The following FGB variants were observed in gnomAD, a reference collection of about 807,000 sequenced individuals.
The protein encoded by FGB is fibrinogen beta chain.
FGB carries 25 observed loss-of-function variants against 57.9 expected under a neutral mutation model. The observed-to-expected ratio is 0.43, with a 90% CI of 0.31 to 0.60. The LOEUF (loss-of-function observed/expected upper bound fraction) is 0.60. FGB is among the 20% of genes least tolerant of loss of function. The probability of loss-of-function intolerance (pLI) is 0.08; values close to 1 mark genes in which losing one functional copy is unlikely to be tolerated. For missense variants in FGB, 536 were observed against 598.4 expected, an observed-to-expected ratio of 0.90 and a Z score of 1.09; for synonymous variants, 203 against 199.2, an observed-to-expected ratio of 1.02 and a Z score of -0.16.
intron 1 of FGB, 41 bp downstream of exon 1, chr4:154,563,173 T>A: frequency 6.2e-6 from 5 of 811,792 alleles, no homozygotes; most frequent in Non-Finnish European, 1.0e-5. Context: ...AGTAGTATTA[T>A]TAATATAAGA....
rs1432298861 is a variant in FGB at position 154,570,442 on chromosome 4, A to G, written c.1268A>G (p.Gln423Arg). ...DGWLTSDPRK[Q>R]CSKEDGGGWW... The stretch of plus-strand genomic sequence containing the variant: ...AGGTTAACATCAGATCCCAGAAAAC[A>G]GTGTTCTAAAGAAGACGGTGGTGGA... Residue 423 changes from glutamine (Q) to arginine (R), a missense_variant, in exon 8 of 8, where the codon CAG becomes CGG. Gln to Arg is a conservative substitution (Grantham distance 43). This residue lies in a region of FGB where 177 missense variants were observed against 193.7 expected (regional missense o/e 0.91). Coordinates refer to ENST00000302068, the MANE Select transcript of FGB (RefSeq NM_005141.5). 1.2e-6 allele frequency: 2 copies of G among 1,613,982 alleles called. No individual in the cohort carries two copies. The highest frequency in any genetic ancestry group is 8.5e-7 in the Non-Finnish European group (1 of 1,179,832).
intron 7 of FGB, among the ~76,000 whole-genome samples, 198 bp from the exon 8 acceptor site, chr4:154,570,221 G>T (rs1276279481): frequency 6.6e-6 from 1 of 152,122 alleles, no homozygotes; most frequent in Non-Finnish European, 1.5e-5. Flanking sequence ...AGATGGATTG[G>T]CCACAAAGGC....
intron 1 of FGB, among the ~76,000 whole-genome samples, chr4:154,564,395 A>G (rs1730069447): frequency 6.6e-6 from 1 of 152,134 alleles, no homozygotes; most frequent in African/African-American, 2.4e-5. Context: ...TGTATTTGTA[A>G]TAAGCAGATG....
rs182769058 is a variant in FGB at position 154,565,398 on chromosome 4, A to G, written c.115-410A>G. On this transcript the variant is annotated intron_variant, in intron 1 of 7. Coordinates refer to ENST00000302068, the MANE Select transcript of FGB (RefSeq NM_005141.5). ...TATATAGGAGTCTAATCACCAATTC[A>G]CAAAAATGAAAGTAGGGAAATGATT... The G allele has an allele frequency of 1.4e-3, 396 of 276,842 alleles. 2 individuals carry two copies. The highest frequency in any genetic ancestry group is 8.4e-3 in the African/African-American group (368 of 43,952). The allele number at this position is 276,842 out of a possible 1,614,324, so 17.1% of individuals were successfully genotyped here.
At position 154,569,518 on chromosome 4, in the gene FGB, A is replaced by G. The variant is rs781702393; in HGVS notation, c.963A>G (p.Glu321=). Residue 321 remains glutamate, a synonymous_variant, in exon 7 of 8, where the codon GAA becomes GAG. Transcript: ENST00000302068. ...TTTATTTTGTTTTTCTTTTAGGTGA[A>G]TATTGGCTTGGAAATGATAAAATTA... is the stretch of plus-strand genomic sequence containing the variant. The part of the protein sequence containing the change: ...DGKNYCGLPG[E]YWLGNDKISQ... 3 of 1,611,560 alleles carry G rather than the reference A, an allele frequency of 1.9e-6. No homozygotes were observed. Among genetic ancestry groups the G allele is most frequent in the South Asian group, 2.2e-5 (2 of 90,096 alleles).
Position 154,567,761 on chromosome 4 carries a change from T to C in FGB, c.659T>C (p.Met220Thr), listed in dbSNP as rs1363577874. The change falls in exon 4 of 8, where the codon ATG (methionine) becomes ACG (threonine). Residue 220 changes from methionine to threonine, a missense_variant. Met to Thr is a moderately conservative substitution (Grantham distance 81). Around this residue, in one of 3 missense-constraint regions of FGB, gnomAD observed 354 missense variants for 383.4 expected, o/e 0.92. Coordinates refer to ENST00000302068, the MANE Select transcript of FGB (RefSeq NM_005141.5). ...QKLESDVSAQ[M>T]EYCRTPCTVS... Reference sequence around the variant, plus strand: ...TTAGAATCTGATGTCTCAGCTCAAATGGAATATTGTCGCACCCCATGCACT... The same window carrying C: ...TTAGAATCTGATGTCTCAGCTCAAACGGAATATTGTCGCACCCCATGCACT... 14 of 1,614,062 alleles carry C rather than the reference T, an allele frequency of 8.7e-6. No homozygotes were observed. The highest frequency in any genetic ancestry group is 1.2e-5 in the Non-Finnish European group (14 of 1,180,044).
rs2227434 is a variant in FGB at position 154,565,991 on chromosome 4, C to T, written c.298C>T (p.Pro100Ser). The change falls in exon 2 of 8, where the codon CCA becomes TCA. Residue 100 changes from proline (P) to serine (S), a missense_variant. Physicochemically the swap from Pro to Ser is moderately conservative, Grantham distance 74 (BLOSUM62 -1). Transcript: ENST00000302068. ...TGCTGGAGGCTGTCTTCACGCTGACCCAGACCTGGTGGGTGCACTGATGTT... is the reference window on the plus strand; with the variant it reads ...TGCTGGAGGCTGTCTTCACGCTGACTCAGACCTGGTGGGTGCACTGATGTT... ...PDAGGCLHAD[P>S]DLGVLCPTGC... is the part of the protein sequence containing the mutation. 1.4e-3 allele frequency: 2,326 copies of T among 1,613,046 alleles called. 3 individuals carry two copies. The highest frequency in any genetic ancestry group is 1.7e-3 in the Non-Finnish European group (1,988 of 1,179,894).
At position 154,565,893 on chromosome 4, in the gene FGB, G is replaced by T; in HGVS notation, c.200G>T (p.Ser67Ile). 1.9e-6 allele frequency: 3 copies of T among 1,614,092 alleles called. No homozygotes were observed. Among genetic ancestry groups the T allele is most frequent in the Non-Finnish European group, 2.5e-6 (3 of 1,179,972 alleles). The change falls in exon 2 of 8, where the codon AGT becomes ATT. Residue 67 changes from serine to isoleucine, a missense_variant. Coordinates refer to ENST00000302068, the MANE Select transcript of FGB (RefSeq NM_005141.5). ...PSLRPAPPPI[S>I]GGGYRARPAK... ...CTGAGGCCTGCCCCACCGCCCATCA[G>T]TGGAGGTGGCTATCGGGCTCGTCCA...
chr4:154,571,664 A>G lies in FGB; in HGVS notation c.*1014A>G, dbSNP rs1172987895. Among the ~76,000 whole-genome samples the G allele has an allele frequency of 1.3e-5, 2 of 152,112 alleles. No individual in the cohort carries two copies. The highest frequency in any genetic ancestry group is 4.8e-5 in the African/African-American group (2 of 41,422). The stretch of plus-strand genomic sequence containing the variant: ...GAAACGAGGTCTATTCTTGTCCTCA[A>G]TTAGGCTTTTTTTTCTTCATAGTTA... On this transcript the variant is annotated 3_prime_UTR_variant, in exon 8 of 8. Transcript: ENST00000302068.
At position 154,569,620 on chromosome 4, in the gene FGB, C is replaced by T. The variant is rs1578785274; in HGVS notation, c.1065C>T (p.His355=). The part of the protein sequence containing the change: ...EDWKGDKVKA[H]YGGFTVQNEA... ...GGAAAGGAGACAAAGTAAAGGCTCA[C>T]TATGGAGGATTCACTGTACAGAATG... The change falls in exon 7 of 8, where the codon CAC becomes CAT. Residue 355 remains histidine (H), a synonymous_variant. Coordinates refer to ENST00000302068, the MANE Select transcript of FGB (RefSeq NM_005141.5). 6.2e-7 allele frequency: 1 copy of T among 1,614,076 alleles called. No individual in the cohort carries two copies.
chr4:154,569,465 T>C, intron 6 of FGB, 49 bp from the exon 7 acceptor site: 1 of 1,598,864 alleles, frequency 6.3e-7, no homozygotes, highest in Non-Finnish European at 8.5e-7. Context: ...CAGTTTTTAG[T>C]TTCCCAAAAT....
In FGB at chr4:154,570,997, C is replaced by T. The variant is rs1011434939; in HGVS notation, c.*347C>T. 4 of 345,042 alleles carry T rather than the reference C, an allele frequency of 1.2e-5. No individual in the cohort carries two copies. In the East Asian group the frequency reaches 3.0e-4, roughly 26 times the overall value. 21.4% of individuals were successfully genotyped at this position (345,042 alleles called of 1,614,324 possible). A position where few individuals can be genotyped will look rare whatever the true frequency, so the allele number is the denominator to read the frequency against. On this transcript the variant is annotated 3_prime_UTR_variant, in exon 8 of 8. Transcript: ENST00000302068. ...AAAGGAAAAACTGATGTTTAAAAGT[C>T]CACTTTTAAAACTATATTTATTTAT...
chr4:154,571,186 G>A lies in FGB; in HGVS notation c.*536G>A, dbSNP rs1050748083. ...CACAACCTCAAATAGCTAATAAACC[G>A]GTCTTGAATATTTGAAGATTTAAAA... On this transcript the variant is annotated 3_prime_UTR_variant, in exon 8 of 8. Transcript: ENST00000302068. 2.7e-5 allele frequency: 5 copies of A among 183,118 alleles called. No individual in the cohort carries two copies. Among genetic ancestry groups the A allele is most frequent in the African/African-American group, 9.6e-5 (4 of 41,500 alleles). 11.3% of individuals were successfully genotyped at this position (183,118 alleles called of 1,614,324 possible).
Position 154,569,264 on chromosome 4 carries a change from T to G in FGB, c.915T>G (p.Asn305Lys), listed in dbSNP as rs1343485034. 1 of 1,614,148 alleles carries G rather than the reference T, an allele frequency of 6.2e-7. No individual in the cohort carries two copies. The highest frequency in any genetic ancestry group is 1.7e-5 in the Admixed American group (1 of 60,018). The change falls in exon 6 of 8, where the codon AAT (asparagine) becomes AAG (lysine). Residue 305 changes from asparagine (N) to lysine (K), a missense_variant. Around this residue, in one of 3 missense-constraint regions of FGB, gnomAD observed 354 missense variants for 383.4 expected, o/e 0.92. Coordinates refer to ENST00000302068, the MANE Select transcript of FGB (RefSeq NM_005141.5). ...ATCCATATAAACAGGGATTTGGAAA[T>G]GTTGCAACCAACACAGATGGGAAGA... Reference protein sequence around the residue: ...KWDPYKQGFGNVATNTDGKNY... With the variant: ...KWDPYKQGFGKVATNTDGKNY...
intron 4 of FGB, among the ~76,000 whole-genome samples, 196 bp downstream of exon 4, chr4:154,568,016 G>T (rs1254179817): frequency 1.3e-5 from 2 of 152,212 alleles, no homozygotes; most frequent in Admixed American, 1.3e-4. Flanking sequence ...TTGATGAGCA[G>T]GATGGGGCAC....
At chr4:154,563,577 ATTACTAT>A (rs1317832561) in intron 1 of FGB, among the ~76,000 whole-genome samples, 2 of 151,920 alleles carry the variant, frequency 1.3e-5, no homozygotes, top group Non-Finnish European at 2.9e-5. Flanking sequence ...TGTTACTGAG[ATTACTAT>A]TTATAAAAAT....
rs375561591 is a variant in FGB, at chr4:154,570,665, A to C, written c.*15A>C. On this transcript the variant is annotated 3_prime_UTR_variant, in exon 8 of 8. Transcript: ENST00000302068. ...CACAGCAATAGTCCCCAATACGTAGATTTTTGCTCTTCTGTATGTGACAAC... is the reference window on the plus strand; with the variant it reads ...CACAGCAATAGTCCCCAATACGTAGCTTTTTGCTCTTCTGTATGTGACAAC... 6.3e-7 allele frequency: 1 copy of C among 1,597,582 alleles called. No homozygotes were observed. Among genetic ancestry groups the C allele is most frequent in the Non-Finnish European group, 8.6e-7 (1 of 1,165,124 alleles).
rs151153332 is a variant in FGB, at chr4:154,569,282, T to C, written c.933T>C (p.Asp311=). ...QGFGNVATNT[D]GKNYCGLPGE... Reference sequence around the variant, plus strand: ...TTGGAAATGTTGCAACCAACACAGATGGGAAGAATTACTGTGGCCTACCAG... The same window carrying C: ...TTGGAAATGTTGCAACCAACACAGACGGGAAGAATTACTGTGGCCTACCAG... Residue 311 remains aspartate, a synonymous_variant, in exon 6 of 8, where the codon GAT becomes GAC. Transcript: ENST00000302068. The C allele has an allele frequency of 6.2e-6, 10 of 1,614,046 alleles. No individual in the cohort carries two copies. Among genetic ancestry groups the C allele is most frequent in the Non-Finnish European group, 7.6e-6 (9 of 1,179,972 alleles).
rs759800033 is a variant in FGB at position 154,568,411 on chromosome 4, A to G, written c.749A>G (p.Glu250Gly). Residue 250 changes from glutamate to glycine, a missense_variant, in exon 5 of 8, where the codon GAA becomes GGA. Physicochemically the swap from Glu to Gly is moderately conservative, Grantham distance 98. Coordinates refer to ENST00000302068, the MANE Select transcript of FGB (RefSeq NM_005141.5). ...ECEEIIRKGG[E>G]TSEMYLIQPD... Reference sequence around the variant, plus strand: ...GAGGAAATTATCAGGAAAGGAGGTGAAACATCTGAAATGTATCTCATTCAA... The same window carrying G: ...GAGGAAATTATCAGGAAAGGAGGTGGAACATCTGAAATGTATCTCATTCAA... 5.8e-5 allele frequency: 93 copies of G among 1,604,566 alleles called. No individual in the cohort carries two copies. The highest frequency in any genetic ancestry group is 7.2e-5 in the Non-Finnish European group (84 of 1,171,376).
Sources: allele counts gnomAD v4.1 joint callset (sites outside exome capture counted in the v4.1 genomes callset), GRCh38; gene constraint gnomAD v4.1.1; regional missense constraint gnomAD v4.1.1; transcripts MANE v1.5; gene names NCBI Gene and HGNC (gene_info 2026-07-23, HGNC 2026-07-21).